The following CDCA5 variants were observed in gnomAD, a reference collection of about 807,000 sequenced individuals.
CDCA5 encodes cell division cycle associated 5, also known as sororin.
CDCA5 carries 14 observed loss-of-function variants against 25.7 expected under a neutral mutation model. The ratio of observed to expected loss-of-function variants is 0.54; its 90% CI spans 0.36 to 0.85. The LOEUF (loss-of-function observed/expected upper bound fraction) is 0.85. CDCA5 is among the 40% of genes least tolerant of loss of function. The pLI, the probability that CDCA5 is intolerant of heterozygous loss-of-function variation, is 0.01. For synonymous variants in CDCA5, 127 were observed against 128.7 expected (o/e 0.99, Z 0.09); for missense variants, 307 against 324.5 (o/e 0.95, Z 0.41).
chr11:65,079,203 T>G lies in CDCA5; in HGVS notation c.679-16A>C. On this transcript the variant is annotated splice_polypyrimidine_tract_variant and intron_variant, in intron 5 of 5. Transcript: ENST00000275517. ...GCTCCGTTTTCTGAGGGAAGAGAAATGAGGAGCAGGTGAGTGAGAAGGGAA... is the reference window on the plus strand; with the variant it reads ...GCTCCGTTTTCTGAGGGAAGAGAAAGGAGGAGCAGGTGAGTGAGAAGGGAA... The G allele has an allele frequency of 6.5e-7, 1 of 1,531,548 alleles. No individual in the cohort carries two copies. Among genetic ancestry groups the G allele is most frequent in the South Asian group, 1.3e-5 (1 of 77,860 alleles). The allele number at this position is 1,531,548 out of a possible 1,614,324, so 94.9% of individuals were successfully genotyped here. A position where few individuals can be genotyped will look rare whatever the true frequency, so the allele number is the denominator to read the frequency against.
At chr11:65,062,186 C>A (rs1456541221), downstream of CDCA5, among the ~76,000 whole-genome samples, 1 of 152,180 alleles carries the variant, frequency 6.6e-6, no homozygotes, top group Non-Finnish European at 1.5e-5. Context: ...TCCCAAAGTG[C>A]TGGGATTACA....
downstream of CDCA5, chr11:65,077,409 T>TA: frequency 1.0e-6 from 1 of 975,376 alleles, no homozygotes; most frequent in South Asian, 4.7e-5. Context: ...GGCCTGGCCT[T>TA]ACCTTCGGCT....
Position 65,077,683 on chromosome 11 carries a change from G to A in CDCA5, c.*1424C>T, listed in dbSNP as rs1947473587. ...TGCGGTTCAGCTCAAGGACACCTAG[G>A]CTTCCCCAGCAGGGGGCTTGCTTGC... On this transcript the variant is annotated 3_prime_UTR_variant, in exon 6 of 6. Coordinates refer to ENST00000275517, the MANE Select transcript of CDCA5 (RefSeq NM_080668.4). 2 of 985,330 alleles carry A rather than the reference G, an allele frequency of 2.0e-6. No homozygotes were observed. Among genetic ancestry groups the A allele is most frequent in the Non-Finnish European group, 2.4e-6 (2 of 829,974 alleles). The allele number at this position is 985,330 out of a possible 1,614,324, so 61.0% of individuals were successfully genotyped here. A position where few individuals can be genotyped will look rare whatever the true frequency, so the allele number is the denominator to read the frequency against.
chr11:65,079,322 C>A, intron 5 of CDCA5, 31 bp downstream of exon 5: 1 of 1,613,714 alleles, frequency 6.2e-7, no homozygotes, highest in Non-Finnish European at 8.5e-7. Flanking sequence ...CCAGAGCACA[C>A]GGCAGAGAAA....
intron 1 of CDCA5, among the ~76,000 whole-genome samples, chr11:65,070,894 CA>C (rs984513339): frequency 6.6e-6 from 1 of 151,398 alleles, no homozygotes; most frequent in African/African-American, 2.4e-5. Context: ...CAAAATGCTA[CA>C]GTGAATGTCA....
At position 65,071,237 on chromosome 11, in the gene CDCA5, C is replaced by T. The variant is rs72932819; in HGVS notation, c.64-2636G>A. 9.2e-3 allele frequency among the ~76,000 whole-genome samples: 1,391 copies of T among 151,626 alleles called. 17 individuals carry two copies. The highest frequency in any genetic ancestry group is 0.016 in the Non-Finnish European group (1,105 of 67,912). On this transcript the variant is annotated intron_variant, in intron 1 of 6. Transcript: ENST00000525464. ...GATTATAGGTGTGAGCCACCGTGCTCGGCCGGGATTTTGGATTTTCAACCC... is the reference window on the plus strand; with the variant it reads ...GATTATAGGTGTGAGCCACCGTGCTTGGCCGGGATTTTGGATTTTCAACCC...
At chr11:65,068,703 C>T (rs1421598003) in intron 1 of CDCA5, 11 of 542,978 alleles carry the variant, frequency 2.0e-5, no homozygotes, top group African/African-American at 3.9e-5. Flanking sequence ...GCCTGGCGAG[C>T]GTCTATCACC....
downstream of CDCA5, among the ~76,000 whole-genome samples, chr11:65,077,056 G>A (rs1264105313): frequency 6.6e-6 from 1 of 152,204 alleles, no homozygotes; most frequent in Non-Finnish European, 1.5e-5. Context: ...GGGAGGCCGA[G>A]GAGGGCAGAT....
chr11:65,066,971 G>T, intron 4 of CDCA5: 1 of 879,306 alleles, frequency 1.1e-6, no homozygotes, highest in Non-Finnish European at 1.6e-6. Context: ...TCAGCCACCT[G>T]GTCCTATAGC....
chr11:65,068,575 G>T (rs1172291671), exon 2 of CDCA5: 10 of 1,289,406 alleles, frequency 7.8e-6, no homozygotes, highest in South Asian at 7.4e-5. Context: ...CCAGCTTGGA[G>T]TGGGCTCTTT....
chr11:65,078,116 G>T lies in CDCA5; in HGVS notation c.*991C>A, dbSNP rs1401292868. 1 of 985,442 alleles carries T rather than the reference G, an allele frequency of 1.0e-6. No homozygotes were observed. Among genetic ancestry groups the T allele is most frequent in the African/African-American group, 1.7e-5 (1 of 57,342 alleles). 61.0% of individuals were successfully genotyped at this position (985,442 alleles called of 1,614,324 possible). On this transcript the variant is annotated 3_prime_UTR_variant, in exon 6 of 6. Transcript: ENST00000275517. ...CCCCCGCCGCTGTCTGGTACGCGAG[G>T]AAACTTTCCGAGGACTTTACAAGCA...
At position 65,079,413 on chromosome 11, in the gene CDCA5, AG is replaced by A. The variant is rs1305890850; in HGVS notation, c.617del (p.Pro206LeufsTer21). The part of the protein sequence containing the change: ...AKPWAPDMTL[P>X]GISPPPEKQK... Reference sequence around the variant, plus strand: ...GTTTCTCGGGTGGTGGGGAGATTCCAGGGAGAGTCATGTCTGGGGCCCAGGG... The same window carrying A: ...GTTTCTCGGGTGGTGGGGAGATTCCAGGAGAGTCATGTCTGGGGCCCAGGG... On this transcript the variant is annotated frameshift_variant, in exon 5 of 6. Coordinates refer to ENST00000275517, the MANE Select transcript of CDCA5 (RefSeq NM_080668.4). LOFTEE classifies it high-confidence loss of function. The A allele has an allele frequency of 6.2e-7, 1 of 1,613,936 alleles. No individual in the cohort carries two copies. Among genetic ancestry groups the A allele is most frequent in the East Asian group, 2.2e-5 (1 of 44,882 alleles).
intron 1 of CDCA5, chr11:65,068,729 G>T: frequency 2.6e-6 from 1 of 382,742 alleles, no homozygotes; most frequent in Non-Finnish European, 4.9e-6. Context: ...TGTCCAGCAA[G>T]CCAGACCCCC....
downstream of CDCA5, among the ~76,000 whole-genome samples, chr11:65,074,249 T>C (rs1398402058): frequency 6.6e-6 from 1 of 152,128 alleles, no homozygotes; most frequent in Non-Finnish European, 1.5e-5. Flanking sequence ...ATTTTTCTAT[T>C]GTTAGTAGAG....
chr11:65,072,352 G>T (rs1017038348), intron 1 of CDCA5, among the ~76,000 whole-genome samples: 1 of 152,194 alleles, frequency 6.6e-6, no homozygotes, highest in Admixed American at 6.5e-5. Flanking sequence ...CATCTGAAAG[G>T]GTGGTGAGCT....
chr11:65,067,718 T>C (rs1004734640), exon 4 of CDCA5: 36 of 1,289,650 alleles, frequency 2.8e-5, no homozygotes, highest in Non-Finnish European at 3.6e-5. Flanking sequence ...CCAGTCCTCC[T>C]GATCTAAGAA....
chr11:65,076,579 C>T (rs960872386), downstream of CDCA5, among the ~76,000 whole-genome samples: 1 of 152,138 alleles, frequency 6.6e-6, no homozygotes, highest in Non-Finnish European at 1.5e-5. Flanking sequence ...GAGGTCAAAG[C>T]GGATTAAGTC....
chr11:65,082,486 G>C (rs1590801280), intron 4 of CDCA5, among the ~76,000 whole-genome samples: 1 of 121,134 alleles, frequency 8.3e-6, no homozygotes, highest in Admixed American at 9.0e-5. Flanking sequence ...TTTTTGAGAT[G>C]GAGTCTCGCT....
downstream of CDCA5, among the ~76,000 whole-genome samples, chr11:65,062,913 A>T (rs1261244935): frequency 6.6e-6 from 1 of 152,094 alleles, no homozygotes; most frequent in African/African-American, 2.4e-5. Flanking sequence ...AAGTTCTACC[A>T]GGGCAGACAT....
Sources: gnomAD v4.1 joint callset for allele counts (sites outside exome capture counted in the v4.1 genomes callset) on GRCh38, gnomAD v4.1.1 for gene constraint, MANE v1.5 for transcripts, NCBI Gene and HGNC (gene_info 2026-07-23, HGNC 2026-07-21) for gene names.